SCAPER: variants seen among roughly 807,000 people sequenced by gnomAD.
SCAPER encodes the protein S-phase cyclin A associated protein in the ER, also known as S phase cyclin A-associated protein in the endoplasmic reticulum.
SCAPER carries 98 observed loss-of-function variants against 182.2 expected under a neutral mutation model. The ratio of observed to expected loss-of-function variants is 0.54; its 90% CI spans 0.46 to 0.64. SCAPER has a LOEUF of 0.64. Ranked by LOEUF, SCAPER falls within the 30% of genes least tolerant of loss-of-function variation. The pLI is 0.00. For synonymous variants in SCAPER, 605 were observed against 564.6 expected (o/e 1.07, Z -1.01); for missense variants, 1,432 against 1,690.0 (o/e 0.85, Z 2.68).
chr15:76,413,778 G>A (rs1369160428), intron 26 of SCAPER, among the ~76,000 whole-genome samples: 7 of 152,150 alleles, frequency 4.6e-5, no homozygotes, highest in African/African-American at 1.7e-4. Flanking sequence ...ATCCATCTGG[G>A]CCCACCCTGT....
chr15:76,735,475 A>T (rs1487687799), intron 15 of SCAPER, among the ~76,000 whole-genome samples: 1 of 152,088 alleles, frequency 6.6e-6, no homozygotes, highest in Non-Finnish European at 1.5e-5. Flanking sequence ...AGACAGGCAG[A>T]TTGCCTGAGC....
intron 22 of SCAPER, among the ~76,000 whole-genome samples, chr15:76,578,857 A>G (rs1414650296): frequency 2.0e-5 from 3 of 152,230 alleles, no homozygotes; most frequent in Non-Finnish European, 4.4e-5. Flanking sequence ...GAACTAAATA[A>G]GACACCAGGG....
intron 8 of SCAPER, among the ~76,000 whole-genome samples, chr15:76,775,631 C>G (rs576366635): frequency 6.6e-6 from 1 of 152,236 alleles, no homozygotes; most frequent in South Asian, 2.1e-4. Flanking sequence ...CTTTCAGAAT[C>G]CAAACATCTA....
intron 15 of SCAPER, among the ~76,000 whole-genome samples, chr15:76,747,584 T>A (rs1276185802): frequency 6.6e-6 from 1 of 152,086 alleles, no homozygotes; most frequent in Admixed American, 6.6e-5. Flanking sequence ...AGTGTTTGGG[T>A]CATGGGAACA....
intron 23 of SCAPER, among the ~76,000 whole-genome samples, chr15:76,571,615 C>A (rs983824383): frequency 1.3e-5 from 2 of 151,960 alleles, no homozygotes; most frequent in Admixed American, 1.3e-4. Context: ...TAGTAGAAAG[C>A]ATCCATGTTT....
intron 22 of SCAPER, among the ~76,000 whole-genome samples, chr15:76,583,331 A>G (rs1056405235): frequency 2.7e-5 from 4 of 147,568 alleles, no homozygotes; most frequent in African/African-American, 1.0e-4. Flanking sequence ...AGCCTGAGCA[A>G]CAGAGTGAGA....
At chr15:76,765,135 G>A in intron 13 of SCAPER, 63 bp from the exon 14 acceptor site, 1 of 1,260,570 alleles carries the variant, frequency 7.9e-7, no homozygotes, top group Non-Finnish European at 1.1e-6. Context: ...CAGAAAAAGT[G>A]TTCTTTAGAC....
At chr15:76,811,492 T>C (rs992412200) in intron 5 of SCAPER, among the ~76,000 whole-genome samples, 2 of 152,012 alleles carry the variant, frequency 1.3e-5, no homozygotes, top group Non-Finnish European at 2.9e-5. Context: ...AGCAAAGCAG[T>C]ATAAAAAGGA....
chr15:76,358,366 T>C (rs1006929776), intron 29 of SCAPER, among the ~76,000 whole-genome samples: 15 of 152,336 alleles, frequency 9.8e-5, no homozygotes, highest in African/African-American at 3.4e-4. Context: ...AGGGAAGAAG[T>C]TTATAGATTC....
At chr15:76,573,600 A>C (rs2047605261) in intron 23 of SCAPER, among the ~76,000 whole-genome samples, 1 of 152,172 alleles carries the variant, frequency 6.6e-6, no homozygotes, top group Admixed American at 6.5e-5. Flanking sequence ...GTTTGGAAGA[A>C]GATACAATAA....
chr15:76,359,199 G>A (rs879421470), intron 29 of SCAPER, among the ~76,000 whole-genome samples: 14 of 151,946 alleles, frequency 9.2e-5, no homozygotes, highest in Non-Finnish European at 5.9e-5. Flanking sequence ...CCATCATCTT[G>A]CCCCCCTCCC....
chr15:76,651,926 A>G (rs2055084975), intron 21 of SCAPER, among the ~76,000 whole-genome samples: 1 of 151,966 alleles, frequency 6.6e-6, no homozygotes, highest in African/African-American at 2.4e-5. Flanking sequence ...TTAACACACC[A>G]CAAATCAAGT....
At chr15:76,644,809 C>T (rs995757460) in intron 21 of SCAPER, among the ~76,000 whole-genome samples, 8 of 152,052 alleles carry the variant, frequency 5.3e-5, no homozygotes, top group Admixed American at 5.2e-4. Context: ...CATATATAAA[C>T]AGAAGAAAAC....
intron 20 of SCAPER, among the ~76,000 whole-genome samples, chr15:76,686,865 T>C (rs148964481): frequency 2.6e-5 from 4 of 152,102 alleles, no homozygotes; most frequent in African/African-American, 9.7e-5. Flanking sequence ...ATTTTAGGAA[T>C]AGACCTACAT....
rs113829597 is a variant in SCAPER at position 76,410,876 on chromosome 15, CTT to C, written c.3312-6199_3312-6198del. On this transcript the variant is annotated intron_variant, in intron 26 of 31. Transcript: ENST00000563290. Reference sequence around the variant, plus strand: ...ATTCTATTGTCTATCCTTCACATCTCTTGTCTTCTTGCTAATCACATTTGTGA... The same window carrying C: ...ATTCTATTGTCTATCCTTCACATCTCGTCTTCTTGCTAATCACATTTGTGA... Among the ~76,000 whole-genome samples the C allele has an allele frequency of 2.4e-3, 371 of 151,784 alleles. 5 individuals carry two copies. Among genetic ancestry groups the C allele is most frequent in the African/African-American group, 8.2e-3 (341 of 41,396 alleles).
intron 5 of SCAPER, among the ~76,000 whole-genome samples, chr15:76,825,935 G>A (rs1357950906): frequency 6.6e-6 from 1 of 152,086 alleles, no homozygotes; most frequent in Non-Finnish European, 1.5e-5. Flanking sequence ...AGTAGAAACG[G>A]GGTTTCACCA....
At chr15:76,725,487 CTTCT>C (rs1465257192) in intron 17 of SCAPER, among the ~76,000 whole-genome samples, 11 of 150,040 alleles carry the variant, frequency 7.3e-5, no homozygotes, top group Non-Finnish European at 1.3e-4. Context: ...ATCCCAATGA[CTTCT>C]TTTTTACAAA....
chr15:76,665,599 T>G (rs2056513389), intron 21 of SCAPER, 54 bp downstream of exon 21: 1 of 1,515,574 alleles, frequency 6.6e-7, no homozygotes, highest in East Asian at 2.3e-5. Flanking sequence ...GGATTTACAT[T>G]AAAAGATACA....
intron 2 of SCAPER, among the ~76,000 whole-genome samples, chr15:76,879,006 C>T (rs2073365500): frequency 6.6e-6 from 1 of 152,132 alleles, no homozygotes; most frequent in Admixed American, 6.5e-5. Context: ...GGCAACTCCT[C>T]CCATACACTA....
Sources: allele counts gnomAD v4.1 joint callset (sites outside exome capture counted in the v4.1 genomes callset), GRCh38; gene constraint gnomAD v4.1.1; transcripts MANE v1.5; gene names NCBI Gene and HGNC (gene_info 2026-07-23, HGNC 2026-07-21).